TAS2R1: variants seen among roughly 807,000 people sequenced by gnomAD.
TAS2R1 encodes taste receptor type 2 member 1.
For missense variants in TAS2R1, 370 were observed against 353.4 expected (o/e 1.05, Z -0.38); for synonymous variants, 141 against 134.2 (o/e 1.05, Z -0.35).
the TAS2R1 span, chr5:9,903,616 T>C: frequency 6.6e-6 from 1 of 152,112 alleles, no homozygotes; most frequent in Non-Finnish European, 1.5e-5. Context: ...AGAATACTGG[T>C]CTAGCCACCC....
chr5:9,809,293 C>T, the TAS2R1 span, among the ~76,000 whole-genome samples: 1 of 152,110 alleles, frequency 6.6e-6, no homozygotes, highest in Non-Finnish European at 1.5e-5. Flanking sequence ...ACAGGAATTT[C>T]AGAGGGCCAT....
At chr5:9,739,124 A>T in the TAS2R1 span, among the ~76,000 whole-genome samples, 1 of 152,330 alleles carries the variant, frequency 6.6e-6, no homozygotes, top group Non-Finnish European at 1.5e-5. Context: ...TGGTCATGTC[A>T]TTTCCAAGTT....
the TAS2R1 span, among the ~76,000 whole-genome samples, chr5:9,803,239 G>T: frequency 3.3e-5 from 5 of 152,258 alleles, no homozygotes; most frequent in South Asian, 8.3e-4. Context: ...AGAAGTTTGG[G>T]ACTATGTTAA....
At chr5:9,795,396 C>T in the TAS2R1 span, among the ~76,000 whole-genome samples, 1 of 152,052 alleles carries the variant, frequency 6.6e-6, no homozygotes, top group South Asian at 2.1e-4. Context: ...ACAAAAAGGG[C>T]CCAGCACCAT....
In TAS2R1 at chr5:9,628,960, T is replaced by A. The variant is rs891814799; in HGVS notation, c.*173A>T. 1.7e-6 allele frequency: 1 copy of A among 592,556 alleles called. No homozygotes were observed. Among genetic ancestry groups the A allele is most frequent in the Non-Finnish European group, 2.7e-6 (1 of 369,854 alleles). The allele number at this position is 592,556 out of a possible 1,614,324, so 36.7% of individuals were successfully genotyped here. A position where few individuals can be genotyped will look rare whatever the true frequency, so the allele number is the denominator to read the frequency against. ...CATATGTTGTGCTTTCAAAATCAGT[T>A]TAACTGCTTGAAAAAGTAGCATATC... On this transcript the variant is annotated 3_prime_UTR_variant, in exon 1 of 1. Coordinates refer to ENST00000382492, the MANE Select transcript of TAS2R1 (RefSeq NM_019599.3).
intron 2 of TAS2R1, among the ~76,000 whole-genome samples, chr5:9,643,720 T>C (rs1740130597): frequency 6.6e-6 from 1 of 152,192 alleles, no homozygotes; most frequent in Non-Finnish European, 1.5e-5. Context: ...TAAATGTTGT[T>C]ATATGGTGCA....
At chr5:9,733,827 GAAAAGAAAAAAAAAATTCT>G in the TAS2R1 span, among the ~76,000 whole-genome samples, 12 of 148,382 alleles carry the variant, frequency 8.1e-5, no homozygotes, top group Non-Finnish European at 1.6e-4. Flanking sequence ...CACCACCTCC[GAAAAGAAAAAAAAAATTCT>G]AAAAATTGCA....
the TAS2R1 span, among the ~76,000 whole-genome samples, chr5:9,728,063 T>A: frequency 6.6e-6 from 1 of 151,988 alleles, no homozygotes; most frequent in East Asian, 1.9e-4. Context: ...AAGGGACAAC[T>A]AAGTACTGGA....
chr5:9,717,745 A>G, the TAS2R1 span, among the ~76,000 whole-genome samples: 2 of 152,200 alleles, frequency 1.3e-5, no homozygotes, highest in African/African-American at 4.8e-5. Context: ...GTCAAACCCT[A>G]CATAAGAATG....
the TAS2R1 span, among the ~76,000 whole-genome samples, chr5:9,803,813 T>G: frequency 6.6e-6 from 1 of 152,040 alleles, no homozygotes; most frequent in Non-Finnish European, 1.5e-5. Context: ...CTCACAGGAC[T>G]ATATAACAAT....
chr5:9,790,599 G>A, the TAS2R1 span, among the ~76,000 whole-genome samples: 1 of 152,166 alleles, frequency 6.6e-6, no homozygotes, highest in Non-Finnish European at 1.5e-5. Context: ...CATTGTGTGT[G>A]TCTGTGTGTG....
intron 1 of TAS2R1, among the ~76,000 whole-genome samples, chr5:9,705,818 T>G (rs936745292): frequency 6.6e-6 from 1 of 152,036 alleles, no homozygotes; most frequent in Non-Finnish European, 1.5e-5. Flanking sequence ...GCCAAGATCA[T>G]GCCATTGCAC....
At chr5:9,882,854 CATTCT>C in the TAS2R1 span, among the ~76,000 whole-genome samples, 1 of 152,158 alleles carries the variant, frequency 6.6e-6, no homozygotes, top group South Asian at 2.1e-4. Context: ...GAATATAAAC[CATTCT>C]ATTTAATTAT....
At chr5:9,844,776 C>A in the TAS2R1 span, among the ~76,000 whole-genome samples, 69 of 152,160 alleles carry the variant, frequency 4.5e-4, no homozygotes, top group African/African-American at 1.5e-3. Flanking sequence ...AAAAAGTAAG[C>A]TAATCAAAGA....
At chr5:9,717,413 T>A in the TAS2R1 span, among the ~76,000 whole-genome samples, 1 of 152,218 alleles carries the variant, frequency 6.6e-6, no homozygotes, top group South Asian at 2.1e-4. Flanking sequence ...GAGGTCTCGG[T>A]GTTATCAAGA....
chr5:9,705,946 G>C (rs1741600765), intron 1 of TAS2R1, among the ~76,000 whole-genome samples: 1 of 152,152 alleles, frequency 6.6e-6, no homozygotes, highest in East Asian at 1.9e-4. Context: ...GAGAGGAAGG[G>C]ACCTGGGTGA....
chr5:9,800,870 G>A, the TAS2R1 span, among the ~76,000 whole-genome samples: 2 of 152,204 alleles, frequency 1.3e-5, no homozygotes, highest in Non-Finnish European at 2.9e-5. Flanking sequence ...CCTTGGGGTA[G>A]AGCCCCCATA....
At chr5:9,875,629 T>C in the TAS2R1 span, among the ~76,000 whole-genome samples, 1,125 of 152,312 alleles carry the variant, frequency 7.4e-3, 7 homozygotes, top group Middle Eastern at 0.017. Context: ...CTGGCCAGCA[T>C]TGACCATTCT....
intron 2 of TAS2R1, among the ~76,000 whole-genome samples, chr5:9,650,491 C>T (rs1019743390): frequency 7.9e-5 from 12 of 152,102 alleles, no homozygotes; most frequent in African/African-American, 2.9e-4. Flanking sequence ...TTGGGGATTA[C>T]ACAACTCTAT....
Sources: allele counts gnomAD v4.1 joint callset (sites outside exome capture counted in the v4.1 genomes callset), GRCh38; gene constraint gnomAD v4.1.1; transcripts MANE v1.5; gene names NCBI Gene and HGNC (gene_info 2026-07-23, HGNC 2026-07-21).